Variants in CCDC149 observed in about 807,000 individuals in gnomAD.
The protein encoded by CCDC149 is coiled-coil domain-containing protein 149.
CCDC149 carries 45 observed loss-of-function variants against 59.9 expected under a neutral mutation model. The ratio of observed to expected loss-of-function variants is 0.75; its 90% CI spans 0.59 to 0.96. The LOEUF (loss-of-function observed/expected upper bound fraction) is 0.96, where lower values mean the gene tolerates loss of function less well. Ranked by LOEUF, CCDC149 falls within the 40% of genes least tolerant of loss-of-function variation. The pLI is 0.00. For synonymous variants in CCDC149, 245 were observed against 260.6 expected (o/e 0.94, Z 0.58); for missense variants, 584 against 664.7 (o/e 0.88, Z 1.33).
chr4:24,898,994 A>G (rs1227431627), intron 1 of CCDC149, among the ~76,000 whole-genome samples: 1 of 152,156 alleles, frequency 6.6e-6, no homozygotes, highest in African/African-American at 2.4e-5. Context: ...AGGCCAACTG[A>G]GGCACATGGC....
At chr4:24,949,844 A>T (rs1432414548) in intron 1 of CCDC149, among the ~76,000 whole-genome samples, 1 of 152,200 alleles carries the variant, frequency 6.6e-6, no homozygotes, top group Non-Finnish European at 1.5e-5. Flanking sequence ...ATCTTTCCCC[A>T]AGATGTTGTC....
intron 1 of CCDC149, among the ~76,000 whole-genome samples, chr4:24,945,519 C>A (rs552072367): frequency 6.6e-6 from 1 of 152,240 alleles, no homozygotes; most frequent in Non-Finnish European, 1.5e-5. Context: ...GGAGCATGGC[C>A]CTCCTGACAC....
At chr4:24,851,890 G>A (rs910194322) in intron 4 of CCDC149, among the ~76,000 whole-genome samples, 2 of 152,056 alleles carry the variant, frequency 1.3e-5, no homozygotes, top group African/African-American at 2.4e-5. Flanking sequence ...GTTAATCAGA[G>A]CCTTTCCTGG....
chr4:24,960,937 C>T (rs1723618416), intron 1 of CCDC149, among the ~76,000 whole-genome samples: 1 of 152,152 alleles, frequency 6.6e-6, no homozygotes, highest in African/African-American at 2.4e-5. Context: ...TACCAATTAT[C>T]CAAGTCTGCA....
chr4:24,914,271 A>T (rs1722050601), upstream of CCDC149, among the ~76,000 whole-genome samples: 1 of 151,990 alleles, frequency 6.6e-6, no homozygotes, highest in Non-Finnish European at 1.5e-5. Flanking sequence ...ACTGTTTGCA[A>T]AATGGCAGCA....
At chr4:24,900,353 C>T (rs1456786308) in intron 1 of CCDC149, among the ~76,000 whole-genome samples, 1 of 152,230 alleles carries the variant, frequency 6.6e-6, no homozygotes, top group East Asian at 1.9e-4. Context: ...CTCCTGACAT[C>T]ACTGACCCCC....
At chr4:24,854,569 C>T (rs1717883932) in intron 3 of CCDC149, among the ~76,000 whole-genome samples, 1 of 152,194 alleles carries the variant, frequency 6.6e-6, no homozygotes. Flanking sequence ...AACCCAAATC[C>T]AGAGAGGTTA....
intron 9 of CCDC149, chr4:24,828,714 G>A (rs1715928651): frequency 6.6e-6 from 1 of 152,174 alleles, no homozygotes; most frequent in Admixed American, 6.5e-5. Flanking sequence ...CCGGGAGGTG[G>A]AGGTTGTAGT....
intron 12 of CCDC149, among the ~76,000 whole-genome samples, chr4:24,816,912 T>G (rs1408272715): frequency 6.6e-6 from 1 of 152,200 alleles, no homozygotes; most frequent in East Asian, 1.9e-4. Context: ...TGTTAGTTGC[T>G]CTCTGATAGG....
At chr4:24,819,771 G>C in intron 12 of CCDC149, 88 bp downstream of exon 12, 3 of 902,074 alleles carry the variant, frequency 3.3e-6, no homozygotes, top group Non-Finnish European at 5.4e-6. Flanking sequence ...CAGCACAAAG[G>C]GGAAGGGGAA....
intron 1 of CCDC149, among the ~76,000 whole-genome samples, chr4:24,943,151 T>C (rs961272907): frequency 2.0e-5 from 3 of 152,080 alleles, no homozygotes; most frequent in Non-Finnish European, 4.4e-5. Context: ...CAAACTATAC[T>C]ACAAGGCTAC....
chr4:24,950,474 G>A (rs1312978929), intron 1 of CCDC149, among the ~76,000 whole-genome samples: 1 of 152,204 alleles, frequency 6.6e-6, no homozygotes, highest in African/African-American at 2.4e-5. Context: ...ACCCCAAATC[G>A]AGTGGACTCG....
intron 1 of CCDC149, among the ~76,000 whole-genome samples, chr4:24,970,883 G>T (rs1723947530): frequency 6.6e-6 from 1 of 152,142 alleles, no homozygotes; most frequent in African/African-American, 2.4e-5. Context: ...TGGAGTGGGT[G>T]TCAAAACTGT....
chr4:24,963,812 AC>A (rs1723716359), intron 1 of CCDC149, among the ~76,000 whole-genome samples: 2 of 152,380 alleles, frequency 1.3e-5, no homozygotes, highest in East Asian at 3.9e-4. Flanking sequence ...ACAAGCAATT[AC>A]AGTTTATCTT....
chr4:24,853,147 C>G lies in CCDC149; in HGVS notation c.297G>C (p.Gln99His). Residue 99 changes from glutamine (Q) to histidine (H), a missense_variant, in exon 4 of 13, where the codon CAG (glutamine) becomes CAC (histidine). Physicochemically the swap from Gln to His is conservative, Grantham distance 24. Coordinates refer to ENST00000635206, the MANE Select transcript of CCDC149 (RefSeq NM_001330643.2). ...CTTCTCCCAGATGTTTATTTCGGTCCTGAGAATCTCTCAATAGTTGTGCAA... is the reference window on the plus strand; with the variant it reads ...CTTCTCCCAGATGTTTATTTCGGTCGTGAGAATCTCTCAATAGTTGTGCAA... 1.9e-6 allele frequency: 3 copies of G among 1,613,266 alleles called. No individual in the cohort carries two copies. Among genetic ancestry groups the G allele is most frequent in the Non-Finnish European group, 2.5e-6 (3 of 1,179,318 alleles).
chr4:24,925,217 A>G (rs1015042380), intron 1 of CCDC149, among the ~76,000 whole-genome samples: 1 of 152,218 alleles, frequency 6.6e-6, no homozygotes, highest in Non-Finnish European at 1.5e-5. Context: ...AATGAAAGGC[A>G]TTGGTGGTCA....
chr4:24,875,780 A>C (rs1719377911), intron 2 of CCDC149, among the ~76,000 whole-genome samples: 1 of 152,200 alleles, frequency 6.6e-6, no homozygotes, highest in Admixed American at 6.5e-5. Context: ...TTTAAAACTA[A>C]GTAGCCACCT....
intron 1 of CCDC149, among the ~76,000 whole-genome samples, chr4:24,956,229 TAC>T (rs1194143262): frequency 4.0e-4 from 4 of 10,082 alleles, no homozygotes; most frequent in African/African-American, 2.0e-3. Flanking sequence ...TAACACAAAC[TAC>T]ACAAACTAAC....
intron 1 of CCDC149, among the ~76,000 whole-genome samples, chr4:24,953,019 G>A (rs1372259215): frequency 6.6e-6 from 1 of 152,120 alleles, no homozygotes; most frequent in Non-Finnish European, 1.5e-5. Context: ...GAATGTGACT[G>A]ACAATACTGG....
Sources: allele counts gnomAD v4.1 joint callset (sites outside exome capture counted in the v4.1 genomes callset), GRCh38; gene constraint gnomAD v4.1.1; transcripts MANE v1.5; gene names NCBI Gene and HGNC (gene_info 2026-07-23, HGNC 2026-07-21).